Variants in CNTNAP2 observed in about 807,000 individuals in gnomAD.
The protein encoded by CNTNAP2 is contactin associated protein 2.
A neutral mutation model predicts 155.2 loss-of-function variants in CNTNAP2; 98 were observed. The observed-to-expected ratio is 0.63, with a 90% CI of 0.54 to 0.75. CNTNAP2 has a LOEUF of 0.75. Ranked by LOEUF, CNTNAP2 falls within the 30% of genes least tolerant of loss-of-function variation. CNTNAP2 has a pLI of 0.00. For missense variants in CNTNAP2, 1,727 were observed against 1,688.1 expected (o/e 1.02, Z -0.40); for synonymous variants, 651 against 631.2 (o/e 1.03, Z -0.47).
intron 9 of CNTNAP2, among the ~76,000 whole-genome samples, chr7:147,389,556 G>C (rs1796675144): frequency 6.6e-6 from 1 of 152,136 alleles, no homozygotes; most frequent in Non-Finnish European, 1.5e-5. Flanking sequence ...TGTTTTCTTT[G>C]TCAGCAAGAA....
At chr7:146,749,165 C>G (rs1003564911) in intron 1 of CNTNAP2, among the ~76,000 whole-genome samples, 1 of 151,608 alleles carries the variant, frequency 6.6e-6, no homozygotes, top group African/African-American at 2.4e-5. Context: ...TACATGTATG[C>G]GTATGTGTAT....
chr7:147,631,977 T>C (rs1460635042), intron 12 of CNTNAP2, among the ~76,000 whole-genome samples: 1 of 151,840 alleles, frequency 6.6e-6, no homozygotes, highest in African/African-American at 2.4e-5. Context: ...CAAAGATAAA[T>C]AAATGGGACC....
intron 19 of CNTNAP2, among the ~76,000 whole-genome samples, chr7:148,223,724 T>G (rs1440665426): frequency 6.6e-6 from 1 of 152,242 alleles, no homozygotes; most frequent in Non-Finnish European, 1.5e-5. Flanking sequence ...TTCCAACTCA[T>G]CTTTCTTTCT....
At chr7:146,628,929 A>T (rs1799465529) in intron 1 of CNTNAP2, among the ~76,000 whole-genome samples, 1 of 152,150 alleles carries the variant, frequency 6.6e-6, no homozygotes, top group African/African-American at 2.4e-5. Flanking sequence ...ACTCTATATA[A>T]CTTATTGTAA....
intron 1 of CNTNAP2, among the ~76,000 whole-genome samples, chr7:146,421,863 A>G (rs1796016354): frequency 6.6e-6 from 1 of 150,674 alleles, no homozygotes; most frequent in African/African-American, 2.5e-5. Context: ...ATACTCATAT[A>G]CATGAATTTA....
intron 8 of CNTNAP2, chr7:147,161,558 C>A (rs1419181732): frequency 6.6e-6 from 1 of 152,080 alleles, no homozygotes; most frequent in East Asian, 1.9e-4. Flanking sequence ...TGCTGACTGT[C>A]TTGGTACAAG....
intron 1 of CNTNAP2, among the ~76,000 whole-genome samples, chr7:146,566,279 T>G (rs539848122): frequency 5.0e-4 from 76 of 152,356 alleles, no homozygotes; most frequent in African/African-American, 1.8e-3. Flanking sequence ...ACCTTTCATA[T>G]TTTTAATGAA....
chr7:146,309,684 C>A (rs775255373), intron 1 of CNTNAP2, among the ~76,000 whole-genome samples: 14 of 151,904 alleles, frequency 9.2e-5, no homozygotes, highest in Non-Finnish European at 1.8e-4. Context: ...CGACTGTAAT[C>A]CCAGCTACTC....
intron 1 of CNTNAP2, among the ~76,000 whole-genome samples, chr7:146,150,180 T>A (rs1346303975): frequency 2.0e-5 from 3 of 152,122 alleles, no homozygotes; most frequent in Non-Finnish European, 2.9e-5. Context: ...ATTAGCTAAA[T>A]GTAAATTAAA....
intron 1 of CNTNAP2, among the ~76,000 whole-genome samples, chr7:146,328,062 G>C (rs1026143890): frequency 6.6e-6 from 1 of 152,182 alleles, no homozygotes; most frequent in African/African-American, 2.4e-5. Flanking sequence ...TGGCCTGTTA[G>C]GGACGTGGCT....
intron 15 of CNTNAP2, among the ~76,000 whole-genome samples, chr7:148,048,042 G>T (rs1369279134): frequency 2.6e-5 from 4 of 151,826 alleles, no homozygotes; most frequent in Admixed American, 1.3e-4. Flanking sequence ...TCCTGCCTCA[G>T]CCTCCCCAGT....
chr7:148,152,969 C>T (rs925813233), intron 17 of CNTNAP2, among the ~76,000 whole-genome samples: 9 of 129,164 alleles, frequency 7.0e-5, no homozygotes, highest in Admixed American at 4.1e-4. Context: ...TGCAGTGAGC[C>T]GAGATCGCGC....
chr7:147,868,988 A>T (rs899139891), intron 13 of CNTNAP2, among the ~76,000 whole-genome samples: 1 of 152,194 alleles, frequency 6.6e-6, no homozygotes, highest in Non-Finnish European at 1.5e-5. Context: ...CCACTGTCCA[A>T]TCAGTCCCAG....
At chr7:147,466,464 T>C (rs905931491) in intron 10 of CNTNAP2, among the ~76,000 whole-genome samples, 1 of 152,126 alleles carries the variant, frequency 6.6e-6, no homozygotes, top group Non-Finnish European at 1.5e-5. Context: ...ATGACCCACT[T>C]TGGGGAAGAG....
intron 1 of CNTNAP2, among the ~76,000 whole-genome samples, chr7:146,206,678 A>G (rs1197578775): frequency 6.6e-6 from 1 of 151,974 alleles, no homozygotes; most frequent in Non-Finnish European, 1.5e-5. Flanking sequence ...TGCAAGGTTA[A>G]AATGATGAAA....
chr7:147,696,176 A>C (rs1796158547), intron 13 of CNTNAP2, among the ~76,000 whole-genome samples: 1 of 152,200 alleles, frequency 6.6e-6, no homozygotes, highest in Non-Finnish European at 1.5e-5. Context: ...TTGACATTTA[A>C]GGTAAATATC....
At chr7:146,235,259 G>A (rs1478306317) in intron 1 of CNTNAP2, among the ~76,000 whole-genome samples, 1 of 151,376 alleles carries the variant, frequency 6.6e-6, no homozygotes, top group Admixed American at 6.6e-5. Flanking sequence ...TTAGATTGGT[G>A]GGTTTTGGGG....
intron 1 of CNTNAP2, among the ~76,000 whole-genome samples, chr7:146,507,024 G>A (rs1384802922): frequency 2.6e-5 from 4 of 152,186 alleles, no homozygotes; most frequent in Non-Finnish European, 5.9e-5. Context: ...CTGCTGATAA[G>A]GGGCTTGTAC....
chr7:147,354,832 T>C (rs1026590130), intron 9 of CNTNAP2, among the ~76,000 whole-genome samples: 14 of 152,140 alleles, frequency 9.2e-5, no homozygotes, highest in Non-Finnish European at 1.6e-4. Flanking sequence ...TTTGTAGCTC[T>C]CCTTGAAGAG....
Sources: allele counts gnomAD v4.1 joint callset (sites outside exome capture counted in the v4.1 genomes callset), GRCh38; gene constraint gnomAD v4.1.1; transcripts MANE v1.5; gene names NCBI Gene and HGNC (gene_info 2026-07-23, HGNC 2026-07-21).